LPAR1: variants seen among roughly 807,000 people sequenced by gnomAD.
LPAR1 encodes the protein lysophosphatidic acid receptor 1, also known as LPA receptor 1.
LPAR1 carries 5 observed loss-of-function variants against 23.8 expected under a neutral mutation model. The observed-to-expected ratio is 0.21, with a 90% CI of 0.11 to 0.44. LPAR1 has a LOEUF of 0.44. Among genes scored for constraint, LPAR1 ranks in the 20% least tolerant of loss-of-function variants. The pLI is 0.99. For missense variants in LPAR1, 311 were observed against 482.8 expected (o/e 0.64, Z 3.33); for synonymous variants, 160 against 164.7 (o/e 0.97, Z 0.22).
At chr9:110,963,186 T>C (rs1438158250) in intron 4 of LPAR1, among the ~76,000 whole-genome samples, 2 of 152,210 alleles carry the variant, frequency 1.3e-5, no homozygotes, top group African/African-American at 4.8e-5. Context: ...TCTTATGTGG[T>C]TTACCCTAGG....
chr9:110,904,330 A>C (rs1312311278), intron 5 of LPAR1, among the ~76,000 whole-genome samples: 2 of 152,180 alleles, frequency 1.3e-5, no homozygotes, highest in African/African-American at 4.8e-5. Flanking sequence ...ACTCAAGACA[A>C]TAATATTTAA....
At chr9:111,033,863 CCTGT>C (rs2097846734) in intron 2 of LPAR1, among the ~76,000 whole-genome samples, 1 of 152,170 alleles carries the variant, frequency 6.6e-6, no homozygotes, top group Admixed American at 6.5e-5. Flanking sequence ...TCTTCTTTTT[CCTGT>C]CTGTCTCCTG....
At position 110,875,729 on chromosome 9, in the gene LPAR1, G is replaced by C; in HGVS notation, c.794-7C>G. On this transcript the variant is annotated splice_region_variant and splice_polypyrimidine_tract_variant and intron_variant, in intron 5 of 5. Coordinates refer to ENST00000683809, the MANE Select transcript of LPAR1 (RefSeq NM_001351411.2). ...CAGCAGATGATAAAGGCCCCTACAA[G>C]GACAAGGATAGGGATCAGAAGGATT... 1 of 1,551,228 alleles carries C rather than the reference G, an allele frequency of 6.4e-7. No individual in the cohort carries two copies.
intron 5 of LPAR1, among the ~76,000 whole-genome samples, chr9:110,919,200 A>T (rs2093432521): frequency 6.6e-6 from 1 of 151,914 alleles, no homozygotes. Context: ...AGAAGTACAG[A>T]TTTCTCTCTC....
chr9:110,920,025 G>A (rs1304575134), intron 5 of LPAR1, among the ~76,000 whole-genome samples: 2 of 152,168 alleles, frequency 1.3e-5, no homozygotes, highest in Non-Finnish European at 2.9e-5. Flanking sequence ...CACAAAGGAG[G>A]AGGCAACGTT....
chr9:110,932,767 A>C (rs1293497443), intron 5 of LPAR1, among the ~76,000 whole-genome samples: 3 of 152,342 alleles, frequency 2.0e-5, no homozygotes, highest in Middle Eastern at 3.4e-3. Flanking sequence ...TCTTATGAGA[A>C]TCTAACTAAT....
At chr9:110,891,949 C>G (rs972983777) in intron 5 of LPAR1, among the ~76,000 whole-genome samples, 1 of 152,140 alleles carries the variant, frequency 6.6e-6, no homozygotes, top group African/African-American at 2.4e-5. Context: ...GAAAATGTAA[C>G]ATGGTATTAA....
intron 5 of LPAR1, among the ~76,000 whole-genome samples, chr9:110,899,307 G>C (rs2087734467): frequency 1.3e-5 from 2 of 152,140 alleles, no homozygotes. Context: ...TAAAAATGAT[G>C]GCAGCCATCC....
At chr9:110,877,043 G>T (rs2079296063) in intron 5 of LPAR1, among the ~76,000 whole-genome samples, 1 of 152,174 alleles carries the variant, frequency 6.6e-6, no homozygotes, top group African/African-American at 2.4e-5. Flanking sequence ...CAGAGCGGAA[G>T]TAGGAGCAAC....
intron 5 of LPAR1, among the ~76,000 whole-genome samples, chr9:110,904,585 AT>A (rs1398842047): frequency 1.3e-5 from 2 of 152,232 alleles, no homozygotes; most frequent in Non-Finnish European, 2.9e-5. Flanking sequence ...AAATAAAAGT[AT>A]TAAGTTGTTC....
chr9:110,970,789 A>C (rs978527986), intron 4 of LPAR1, among the ~76,000 whole-genome samples: 1 of 152,214 alleles, frequency 6.6e-6, no homozygotes, highest in African/African-American at 2.4e-5. Context: ...GTTCTGTATC[A>C]AGTTCAAATT....
chr9:111,021,572 A>G (rs571976873), intron 2 of LPAR1, among the ~76,000 whole-genome samples: 2 of 152,364 alleles, frequency 1.3e-5, no homozygotes, highest in East Asian at 3.9e-4. Flanking sequence ...GCATATAAAC[A>G]TAAGATAATC....
chr9:110,974,634 T>C (rs1027683641), intron 2 of LPAR1, among the ~76,000 whole-genome samples: 1 of 152,200 alleles, frequency 6.6e-6, no homozygotes, highest in Non-Finnish European at 1.5e-5. Context: ...CACAAATAAG[T>C]AGTAAAGTTC....
chr9:110,881,235 T>C lies in LPAR1; in HGVS notation c.794-5513A>G, dbSNP rs892491713. Among the ~76,000 whole-genome samples, 4 of 152,176 alleles carry C rather than the reference T, an allele frequency of 2.6e-5. No individual in the cohort carries two copies. The East Asian group carries it at 7.7e-4, about 29-fold the overall frequency. ...GCCATTCCTTCCTGGTCACAGCACA[T>C]GTTGCATACATTTAAAGTTTCATGA... On this transcript the variant is annotated intron_variant, in intron 5 of 5. Coordinates refer to ENST00000683809, the MANE Select transcript of LPAR1 (RefSeq NM_001351411.2).
intron 5 of LPAR1, among the ~76,000 whole-genome samples, chr9:110,893,790 C>A (rs993309706): frequency 6.6e-6 from 1 of 152,098 alleles, no homozygotes; most frequent in Non-Finnish European, 1.5e-5. Context: ...AAGTGGTATG[C>A]GACTGTCTGT....
intron 5 of LPAR1, among the ~76,000 whole-genome samples, chr9:110,923,620 G>C (rs1222023933): frequency 6.6e-6 from 1 of 152,190 alleles, no homozygotes; most frequent in Non-Finnish European, 1.5e-5. Flanking sequence ...GATTTATGGA[G>C]ATGTAACCCC....
chr9:110,990,547 C>T (rs2418127), intron 2 of LPAR1, among the ~76,000 whole-genome samples: 98,820 of 151,470 alleles, frequency 0.65, 32,644 homozygotes, highest in Admixed American at 0.71. Context: ...ATATTTTGAA[C>T]TAAATGAAGA....
chr9:110,971,277 G>T (rs2096411430), intron 4 of LPAR1, among the ~76,000 whole-genome samples: 1 of 152,200 alleles, frequency 6.6e-6, no homozygotes, highest in South Asian at 2.1e-4. Context: ...TCATGTATAT[G>T]AACCATCATT....
chr9:110,941,362 G>A lies in LPAR1; in HGVS notation c.793+59C>T, dbSNP rs1460958670. ...TTGGTTACCTCTGACATAAAATAAT[G>A]TGGTTTATGTTAGTCACTGAGAATC... On this transcript the variant is annotated intron_variant, in intron 5 of 5. Transcript: ENST00000683809. The surrounding 1 kb of genome is among the most constrained non-coding windows in gnomAD (Gnocchi z 6.1). 1.4e-6 allele frequency: 2 copies of A among 1,425,834 alleles called. No homozygotes were observed. Among genetic ancestry groups the A allele is most frequent in the Non-Finnish European group, 1.9e-6 (2 of 1,053,386 alleles). The allele number at this position is 1,425,834 out of a possible 1,614,324, so 88.3% of individuals were successfully genotyped here.
Sources: gnomAD v4.1 joint callset for allele counts (sites outside exome capture counted in the v4.1 genomes callset) on GRCh38, gnomAD v4.1.1 for gene constraint, Gnocchi (gnomAD v3.1) non-coding constraint, MANE v1.5 for transcripts, NCBI Gene and HGNC (gene_info 2026-07-23, HGNC 2026-07-21) for gene names.